Variants in COMMD1 observed in about 807,000 individuals in gnomAD.
The protein encoded by COMMD1 is COMM domain-containing protein 1.
Under a neutral mutation model 17.2 loss-of-function variants are expected in COMMD1, and 10 were observed. The ratio of observed to expected loss-of-function variants is 0.58; its 90% CI spans 0.36 to 0.99. The LOEUF (loss-of-function observed/expected upper bound fraction) is 0.99. Ranked by LOEUF, COMMD1 falls within the 50% of genes least tolerant of loss-of-function variation. COMMD1 has a pLI of 0.01. For missense variants in COMMD1, 270 were observed against 231.8 expected, an observed-to-expected ratio of 1.17 and a Z score of -1.07; for synonymous variants, 97 against 91.6, an observed-to-expected ratio of 1.06 and a Z score of -0.34.
intron 2 of COMMD1, among the ~76,000 whole-genome samples, chr2:62,088,137 CT>C (rs1671721566): frequency 6.6e-6 from 1 of 152,184 alleles, no homozygotes; most frequent in Non-Finnish European, 1.5e-5. Flanking sequence ...CTCTTCCTTT[CT>C]TTTTTTCTGT....
At chr2:62,043,252 A>T (rs1558574957) in intron 2 of COMMD1, among the ~76,000 whole-genome samples, 1 of 152,236 alleles carries the variant, frequency 6.6e-6, no homozygotes, top group Non-Finnish European at 1.5e-5. Flanking sequence ...CTTCTACTTA[A>T]CTAATGGCTA....
chr2:61,909,794 C>T (rs1051581868), intron 1 of COMMD1, among the ~76,000 whole-genome samples: 2 of 152,200 alleles, frequency 1.3e-5, no homozygotes, highest in African/African-American at 4.8e-5. Flanking sequence ...ACATGTACTT[C>T]CCAGCAGGGG....
intron 1 of COMMD1, among the ~76,000 whole-genome samples, chr2:61,975,760 G>A (rs999269956): frequency 3.3e-5 from 5 of 151,992 alleles, no homozygotes; most frequent in African/African-American, 1.2e-4. Context: ...TAATCTCCAA[G>A]TATTGTGGGG....
At chr2:61,896,898 C>T (rs1233896866) in intron 1 of COMMD1, among the ~76,000 whole-genome samples, 3 of 149,110 alleles carry the variant, frequency 2.0e-5, no homozygotes, top group Non-Finnish European at 3.0e-5. Flanking sequence ...ATCTTGATCT[C>T]GGCTCACTGC....
At chr2:61,942,287 A>G (rs1670770796) in intron 1 of COMMD1, among the ~76,000 whole-genome samples, 1 of 152,054 alleles carries the variant, frequency 6.6e-6, no homozygotes, top group African/African-American at 2.4e-5. Flanking sequence ...TATTTTTAGT[A>G]GAGATGGGGT....
chr2:61,935,496 C>T (rs1239968375), intron 1 of COMMD1, among the ~76,000 whole-genome samples: 1 of 152,002 alleles, frequency 6.6e-6, no homozygotes, highest in East Asian at 1.9e-4. Flanking sequence ...GGCATGATGG[C>T]AGGTGCCTGT....
chr2:61,906,079 C>T (rs1669765748), intron 1 of COMMD1, among the ~76,000 whole-genome samples: 1 of 152,228 alleles, frequency 6.6e-6, no homozygotes, highest in Admixed American at 6.5e-5. Flanking sequence ...TTCCCAGTCC[C>T]CCGGTAGACT....
rs548665897 is a variant in COMMD1 at position 62,101,277 on chromosome 2, C to A, written c.463-34554C>A. Among the ~76,000 whole-genome samples, 21 of 152,170 alleles carry A rather than the reference C, an allele frequency of 1.4e-4. No individual in the cohort carries two copies. In the South Asian group the frequency reaches 4.2e-3, roughly 30 times the overall value. ...TGATACTACCCAGAGTTAGTGGAGA[C>A]CCCACAGGTCTTAACCCCATTTTGG... is the stretch of plus-strand genomic sequence containing the variant. On this transcript the variant is annotated intron_variant, in intron 2 of 2. Coordinates refer to ENST00000311832, the MANE Select transcript of COMMD1 (RefSeq NM_152516.4).
chr2:62,016,470 A>G (rs1352937846), intron 2 of COMMD1, among the ~76,000 whole-genome samples: 1 of 150,346 alleles, frequency 6.7e-6, no homozygotes, highest in Non-Finnish European at 1.5e-5. Context: ...CGGCCTTGCA[A>G]AGTGCTGGGA....
At chr2:62,090,144 T>G (rs1671786892) in intron 2 of COMMD1, among the ~76,000 whole-genome samples, 1 of 152,204 alleles carries the variant, frequency 6.6e-6, no homozygotes, top group African/African-American at 2.4e-5. Flanking sequence ...GATCCAGTTC[T>G]TTAATTGTGC....
intron 1 of COMMD1, among the ~76,000 whole-genome samples, chr2:61,959,590 A>G (rs1184275467): frequency 6.6e-6 from 1 of 152,214 alleles, no homozygotes; most frequent in Non-Finnish European, 1.5e-5. Flanking sequence ...TTTTCCAAAG[A>G]CACACATCTT....
intron 2 of COMMD1, among the ~76,000 whole-genome samples, chr2:62,071,189 G>C (rs1161791280): frequency 2.0e-5 from 3 of 152,188 alleles, no homozygotes; most frequent in Admixed American, 6.5e-5. Context: ...CTGGAACTGA[G>C]GGTTCCTCCC....
chr2:62,027,739 T>A (rs1172571322), intron 2 of COMMD1, among the ~76,000 whole-genome samples: 1 of 152,180 alleles, frequency 6.6e-6, no homozygotes, highest in Non-Finnish European at 1.5e-5. Flanking sequence ...AGTGGTACTA[T>A]CTCGGCTCAC....
chr2:62,025,913 C>T (rs188646192), intron 2 of COMMD1, among the ~76,000 whole-genome samples: 1 of 152,248 alleles, frequency 6.6e-6, no homozygotes, highest in Admixed American at 6.5e-5. Flanking sequence ...AGCCTGGTCT[C>T]AAACTCCTGG....
intron 1 of COMMD1, among the ~76,000 whole-genome samples, chr2:61,893,087 G>A (rs566397473): frequency 2.7e-4 from 41 of 152,030 alleles, no homozygotes; most frequent in Non-Finnish European, 4.7e-4. Context: ...GGCTGGTTTC[G>A]AACTCCCGAC....
At position 61,940,782 on chromosome 2, in the gene COMMD1, G is replaced by A. The variant is rs192984604; in HGVS notation, c.180+34924G>A. 6.6e-4 allele frequency among the ~76,000 whole-genome samples: 100 copies of A among 151,812 alleles called. 1 individual carries two copies. Among genetic ancestry groups the A allele is most frequent in the African/African-American group, 2.4e-3 (99 of 41,378 alleles). ...GCTCACTGCAAGCTCCGCCTCCTGG[G>A]TTCAGGCCATTCTCCTGCCTCAGCC... is the stretch of plus-strand genomic sequence containing the variant. On this transcript the variant is annotated intron_variant, in intron 1 of 2. Transcript: ENST00000311832.
chr2:61,998,980 C>A (rs1451316609), intron 1 of COMMD1, among the ~76,000 whole-genome samples: 1 of 152,088 alleles, frequency 6.6e-6, no homozygotes, highest in African/African-American at 2.4e-5. Context: ...TCTCTGATCA[C>A]AGATCACCAT....
intron 2 of COMMD1, among the ~76,000 whole-genome samples, chr2:62,038,086 C>T (rs1319855717): frequency 2.0e-5 from 3 of 152,070 alleles, no homozygotes; most frequent in African/African-American, 7.2e-5. Context: ...GTTAGGAGTT[C>T]AAGACCAGCC....
At chr2:62,096,319 T>C (rs1271944740) in intron 2 of COMMD1, among the ~76,000 whole-genome samples, 1 of 152,238 alleles carries the variant, frequency 6.6e-6, no homozygotes, top group African/African-American at 2.4e-5. Flanking sequence ...AAACTGATGA[T>C]CTTTATCAGC....
Sources: gnomAD v4.1 joint callset for allele counts (sites outside exome capture counted in the v4.1 genomes callset) on GRCh38, gnomAD v4.1.1 for gene constraint, MANE v1.5 for transcripts, NCBI Gene and HGNC (gene_info 2026-07-23, HGNC 2026-07-21) for gene names.